Variants in SNX29 observed in about 807,000 individuals in gnomAD.
SNX29 encodes the protein sorting nexin-29.
A neutral mutation model predicts 102.1 loss-of-function variants in SNX29; 78 were observed. That is an observed-to-expected ratio of 0.76 (90% confidence interval 0.64 to 0.92). The LOEUF (loss-of-function observed/expected upper bound fraction) is 0.92. SNX29 is among the 40% of genes least tolerant of loss of function. The probability of loss-of-function intolerance (pLI) is 0.00; values close to 1 mark genes in which losing one functional copy is unlikely to be tolerated. For synonymous variants in SNX29, 580 were observed against 414.5 expected (o/e 1.40, Z -4.85); for missense variants, 1,280 against 1,061.7 (o/e 1.21, Z -2.86).
intron 16 of SNX29, among the ~76,000 whole-genome samples, chr16:12,390,397 C>T (rs1402095029): frequency 2.0e-5 from 3 of 152,154 alleles, no homozygotes; most frequent in African/African-American, 4.8e-5. Context: ...TCCCTGTCCT[C>T]CGTGGACTTT....
At chr16:12,463,220 C>G (rs570096248) in intron 18 of SNX29, among the ~76,000 whole-genome samples, 8 of 152,358 alleles carry the variant, frequency 5.3e-5, no homozygotes, top group African/African-American at 1.9e-4. Flanking sequence ...CCAGATGTGA[C>G]AGCTGGGCCT....
chr16:11,999,283 T>C lies in SNX29; in HGVS notation c.8-14T>C. 1 of 1,613,960 alleles carries C rather than the reference T, an allele frequency of 6.2e-7. No homozygotes were observed. The highest frequency in any genetic ancestry group is 8.5e-7 in the Non-Finnish European group (1 of 1,179,854). ...AGCGTCAGAGAGAACTAATTAAGCC[T>C]CATTGCATTTTAGGATCACAGAACA... On this transcript the variant is annotated splice_polypyrimidine_tract_variant and intron_variant, in intron 1 of 20. Transcript: ENST00000566228.
chr16:12,137,299 T>C (rs929257282), intron 13 of SNX29, among the ~76,000 whole-genome samples: 1 of 152,240 alleles, frequency 6.6e-6, no homozygotes, highest in African/African-American at 2.4e-5. Flanking sequence ...CTGGGGATGC[T>C]GAGGCGAGGC....
At chr16:12,116,397 C>A (rs980992246) in intron 11 of SNX29, among the ~76,000 whole-genome samples, 1 of 152,206 alleles carries the variant, frequency 6.6e-6, no homozygotes, top group Admixed American at 6.5e-5. Context: ...AGGGGCCGGG[C>A]GCAGTGGCTC....
At chr16:12,319,162 C>T (rs2080848315) in intron 15 of SNX29, among the ~76,000 whole-genome samples, 1 of 152,158 alleles carries the variant, frequency 6.6e-6, no homozygotes, top group Non-Finnish European at 1.5e-5. Flanking sequence ...TGTATAAGGG[C>T]AGTAGCTCTC....
At chr16:12,163,340 G>T (rs1258970953) in intron 13 of SNX29, among the ~76,000 whole-genome samples, 1 of 152,148 alleles carries the variant, frequency 6.6e-6, no homozygotes, top group East Asian at 1.9e-4. Context: ...GGTGAGGTGG[G>T]GTAGCAGGGA....
chr16:12,308,821 C>G (rs923014806), intron 15 of SNX29, among the ~76,000 whole-genome samples: 1 of 152,078 alleles, frequency 6.6e-6, no homozygotes, highest in African/African-American at 2.4e-5. Context: ...AACAAGAACG[C>G]CTGCCTGCAA....
rs143305107 is a variant in SNX29 at position 12,573,046 on chromosome 16, C to T, written c.*4417C>T. 4.5e-4 allele frequency: 108 copies of T among 237,822 alleles called. 1 individual carries two copies. The highest frequency in any genetic ancestry group is 2.1e-3 in the African/African-American group (95 of 45,374). 14.7% of individuals were successfully genotyped at this position (237,822 alleles called of 1,614,324 possible). A position where few individuals can be genotyped will look rare whatever the true frequency, so the allele number is the denominator to read the frequency against. ...TAGATTGGCGTCCGTGCTAATTCTG[C>T]AGTTGTAGCACTGTATATTTTATCT... On this transcript the variant is annotated 3_prime_UTR_variant, in exon 21 of 21. Coordinates refer to ENST00000566228, the MANE Select transcript of SNX29 (RefSeq NM_032167.5).
chr16:12,425,180 G>T (rs1397471459), intron 18 of SNX29, among the ~76,000 whole-genome samples: 1 of 152,268 alleles, frequency 6.6e-6, no homozygotes, highest in African/African-American at 2.4e-5. Context: ...TGGGGGTATG[G>T]TGCAGCTCGG....
At chr16:12,538,108 A>C (rs748740957) in intron 20 of SNX29, among the ~76,000 whole-genome samples, 2 of 135,978 alleles carry the variant, frequency 1.5e-5, no homozygotes, top group African/African-American at 5.6e-5. Context: ...AGCTTTCTGC[A>C]TTTCCCCTTG....
chr16:12,528,331 G>A (rs759929522), intron 20 of SNX29, among the ~76,000 whole-genome samples: 1 of 151,980 alleles, frequency 6.6e-6, no homozygotes, highest in Admixed American at 6.6e-5. Flanking sequence ...TGAGTAGCTG[G>A]GATTACAGGC....
Position 12,229,504 on chromosome 16 carries a change from G to A in SNX29, c.1678+29821G>A, listed in dbSNP as rs547298334. Among the ~76,000 whole-genome samples, 26 of 152,206 alleles carry A rather than the reference G, an allele frequency of 1.7e-4. 1 individual carries two copies. The South Asian group carries it at 5.0e-3, about 29-fold the overall frequency. On this transcript the variant is annotated intron_variant, in intron 14 of 20. Coordinates refer to ENST00000566228, the MANE Select transcript of SNX29 (RefSeq NM_032167.5). ...TTTTTGCCAATGTAGAGATACTTTT[G>A]TGACTTATGTCCAGTGGACCACATC... is the stretch of plus-strand genomic sequence containing the variant.
At chr16:12,185,275 A>T (rs1373749189) in intron 13 of SNX29, among the ~76,000 whole-genome samples, 2 of 152,078 alleles carry the variant, frequency 1.3e-5, no homozygotes, top group Admixed American at 1.3e-4. Context: ...GGGGAACTGG[A>T]GGGTACTTGG....
At chr16:12,553,508 C>A (rs1175094650) in intron 20 of SNX29, among the ~76,000 whole-genome samples, 3 of 152,154 alleles carry the variant, frequency 2.0e-5, no homozygotes, top group East Asian at 3.9e-4. Context: ...TGCACACTTG[C>A]CATCACAGTG....
At chr16:12,321,299 A>G (rs1002198403) in intron 15 of SNX29, among the ~76,000 whole-genome samples, 1 of 152,026 alleles carries the variant, frequency 6.6e-6, no homozygotes, top group Non-Finnish European at 1.5e-5. Context: ...GAACAGGGAC[A>G]CTCCATTGGA....
intron 13 of SNX29, among the ~76,000 whole-genome samples, chr16:12,146,098 T>G (rs1002129131): frequency 2.6e-5 from 4 of 152,206 alleles, no homozygotes; most frequent in African/African-American, 9.7e-5. Context: ...TAGCATTCCT[T>G]AGGGTACTTG....
At chr16:12,515,473 G>T (rs2089822507) in intron 19 of SNX29, 2 of 483,552 alleles carry the variant, frequency 4.1e-6, no homozygotes, top group Non-Finnish European at 4.1e-6. Flanking sequence ...CTCTGAAATA[G>T]AACTGAAACC....
At chr16:12,549,458 G>C (rs1265525589) in intron 20 of SNX29, among the ~76,000 whole-genome samples, 1 of 151,284 alleles carries the variant, frequency 6.6e-6, no homozygotes, top group African/African-American at 2.4e-5. Context: ...TTGCACCATT[G>C]AACTCCAGCG....
At chr16:12,378,997 G>A (rs1199577731) in intron 16 of SNX29, among the ~76,000 whole-genome samples, 2 of 152,192 alleles carry the variant, frequency 1.3e-5, no homozygotes, top group Non-Finnish European at 2.9e-5. Context: ...TATGCTGATT[G>A]ACTGAAGTCA....
Sources: gnomAD v4.1 joint callset for allele counts (sites outside exome capture counted in the v4.1 genomes callset) on GRCh38, gnomAD v4.1.1 for gene constraint, MANE v1.5 for transcripts, NCBI Gene and HGNC (gene_info 2026-07-23, HGNC 2026-07-21) for gene names.